KCNN3: variants seen among roughly 807,000 people sequenced by gnomAD.
KCNN3 encodes potassium calcium-activated channel subfamily N member 3.
KCNN3 carries 16 observed loss-of-function variants against 62.9 expected under a neutral mutation model. The ratio of observed to expected loss-of-function variants is 0.25; its 90% CI spans 0.17 to 0.39. The LOEUF (loss-of-function observed/expected upper bound fraction) is 0.39, where lower values mean the gene tolerates loss of function less well. KCNN3 is among the 10% of genes least tolerant of loss of function. KCNN3 has a pLI of 1.00. For missense variants in KCNN3, 599 were observed against 949.4 expected, an observed-to-expected ratio of 0.63 and a Z score of 4.85; for synonymous variants, 370 against 389.2, an observed-to-expected ratio of 0.95 and a Z score of 0.58.
At chr1:154,792,284 T>C (rs995777547) in intron 2 of KCNN3, among the ~76,000 whole-genome samples, 8 of 152,188 alleles carry the variant, frequency 5.3e-5, no homozygotes, top group Admixed American at 3.9e-4. Context: ...CTCCCTCTAA[T>C]TGGGATCATA....
intron 3 of KCNN3, among the ~76,000 whole-genome samples, chr1:154,746,516 T>A (rs1170023072): frequency 6.6e-6 from 1 of 151,852 alleles, no homozygotes; most frequent in African/African-American, 2.4e-5. Context: ...CCCAAACCCC[T>A]CCATCTTCTT....
chr1:154,870,090 C>T lies in KCNN3; in HGVS notation c.-126G>A, dbSNP rs1463116426. ...ACCAGTATCTTGGCTCCAGTCCTCT[C>T]TTTGGCTTGCTTCGGTTCTCTGGGG... On this transcript the variant is annotated 5_prime_UTR_variant, in exon 1 of 8. Transcript: ENST00000271915. 2 of 1,155,158 alleles carry T rather than the reference C, an allele frequency of 1.7e-6. No homozygotes were observed. Among genetic ancestry groups the T allele is most frequent in the African/African-American group, 1.5e-5 (1 of 65,524 alleles). 71.6% of individuals were successfully genotyped at this position (1,155,158 alleles called of 1,614,324 possible). A position where few individuals can be genotyped will look rare whatever the true frequency, so the allele number is the denominator to read the frequency against.
rs1411495423 is a variant in KCNN3, at chr1:154,706,390, T to C, written c.*1586A>G. On this transcript the variant is annotated 3_prime_UTR_variant, in exon 8 of 8. Coordinates refer to ENST00000271915, the MANE Select transcript of KCNN3 (RefSeq NM_002249.6). ...TACCATCAACAGATGAAATAGTCCA[T>C]ACAGTGCCATTCAATTTCCCACAGG... 2.0e-5 allele frequency: 3 copies of C among 152,222 alleles called. No individual in the cohort carries two copies. Among genetic ancestry groups the C allele is most frequent in the African/African-American group, 7.2e-5 (3 of 41,456 alleles). 9.4% of individuals were successfully genotyped at this position (152,222 alleles called of 1,614,324 possible). A position where few individuals can be genotyped will look rare whatever the true frequency, so the allele number is the denominator to read the frequency against.
chr1:154,786,662 A>G (rs1282542240), intron 2 of KCNN3, among the ~76,000 whole-genome samples: 1 of 152,218 alleles, frequency 6.6e-6, no homozygotes, highest in Non-Finnish European at 1.5e-5. Context: ...GCACACACAA[A>G]AGGTGCATTA....
chr1:154,750,096 G>A (rs1390554524), intron 3 of KCNN3, among the ~76,000 whole-genome samples: 3 of 152,204 alleles, frequency 2.0e-5, no homozygotes, highest in African/African-American at 7.2e-5. Flanking sequence ...ATGATTAACT[G>A]AAAATTCTGG....
intron 1 of KCNN3, among the ~76,000 whole-genome samples, chr1:154,824,211 T>C (rs1425755809): frequency 6.7e-6 from 1 of 150,270 alleles, no homozygotes; most frequent in Non-Finnish European, 1.5e-5. Context: ...TGGGAAAAGG[T>C]CTCCATTATT....
chr1:154,808,654 C>G (rs1571297426), intron 2 of KCNN3, among the ~76,000 whole-genome samples: 1 of 152,112 alleles, frequency 6.6e-6, no homozygotes, highest in South Asian at 2.1e-4. Context: ...TTTGTCCAGT[C>G]CTCAGGGGAG....
At chr1:154,868,849 C>G (rs1257352605) in intron 1 of KCNN3, among the ~76,000 whole-genome samples, 183 bp downstream of exon 1, 1 of 151,908 alleles carries the variant, frequency 6.6e-6, no homozygotes, top group Non-Finnish European at 1.5e-5. Flanking sequence ...GAGCAAGCGC[C>G]TCTCACCACC....
chr1:154,766,676 TG>T (rs1251432110), intron 3 of KCNN3, among the ~76,000 whole-genome samples: 1 of 146,006 alleles, frequency 6.8e-6, no homozygotes, highest in Non-Finnish European at 1.5e-5. Context: ...TGTTTTGTTT[TG>T]GGGTTTGTTT....
intron 2 of KCNN3, among the ~76,000 whole-genome samples, chr1:154,796,982 G>A (rs1436574994): frequency 6.6e-6 from 1 of 152,248 alleles, no homozygotes; most frequent in Non-Finnish European, 1.5e-5. Flanking sequence ...TTGTGGACAT[G>A]GGGGTGATCT....
At chr1:154,799,677 G>A (rs538336375) in intron 2 of KCNN3, among the ~76,000 whole-genome samples, 119 of 152,316 alleles carry the variant, frequency 7.8e-4, no homozygotes, top group African/African-American at 2.8e-3. Context: ...AGCCTCCACT[G>A]CCTCCTTCCT....
intron 7 of KCNN3, among the ~76,000 whole-genome samples, chr1:154,709,319 G>T (rs1235772496): frequency 6.6e-6 from 1 of 152,130 alleles, no homozygotes; most frequent in Non-Finnish European, 1.5e-5. Context: ...GAGGCTCCTG[G>T]GGCGGCAATG....
chr1:154,850,764 C>T (rs1403757093), intron 1 of KCNN3, among the ~76,000 whole-genome samples: 1 of 152,198 alleles, frequency 6.6e-6, no homozygotes, highest in African/African-American at 2.4e-5. Context: ...CGTTTTGTAT[C>T]ATTTCAGTAA....
chr1:154,715,083 C>T, intron 5 of KCNN3, 80 bp from the exon 6 acceptor site: 1 of 1,531,368 alleles, frequency 6.5e-7, no homozygotes, highest in South Asian at 1.1e-5. Context: ...TGTAGTCTAC[C>T]TCATAAGGAA....
chr1:154,708,977 C>T (rs770430331), intron 7 of KCNN3, among the ~76,000 whole-genome samples: 2 of 152,138 alleles, frequency 1.3e-5, no homozygotes, highest in Non-Finnish European at 2.9e-5. Flanking sequence ...CTCTGAAGGG[C>T]TGAGGTCTTT....
intron 2 of KCNN3, among the ~76,000 whole-genome samples, chr1:154,814,643 CA>C (rs1348429953): frequency 1.3e-5 from 2 of 152,216 alleles, no homozygotes; most frequent in Admixed American, 1.3e-4. Context: ...CTAAAAAATA[CA>C]AAGCGCTAGA....
intron 2 of KCNN3, among the ~76,000 whole-genome samples, chr1:154,795,090 G>A (rs930068937): frequency 3.3e-5 from 5 of 152,098 alleles, no homozygotes; most frequent in Non-Finnish European, 5.9e-5. Context: ...ACATTTACAC[G>A]GAAAATTCTC....
chr1:154,746,652 G>T (rs1700943299), intron 3 of KCNN3, among the ~76,000 whole-genome samples: 1 of 151,148 alleles, frequency 6.6e-6, no homozygotes, highest in South Asian at 2.1e-4. Context: ...CTCCTCTCTT[G>T]TTTTCCCTTT....
At chr1:154,865,846 A>C (rs1307248553) in intron 1 of KCNN3, among the ~76,000 whole-genome samples, 2 of 152,170 alleles carry the variant, frequency 1.3e-5, no homozygotes, top group East Asian at 3.9e-4. Flanking sequence ...GGGGAAAAAA[A>C]AAGTTTGTCA....
Sources: gnomAD v4.1 joint callset for allele counts (sites outside exome capture counted in the v4.1 genomes callset) on GRCh38, gnomAD v4.1.1 for gene constraint, MANE v1.5 for transcripts, NCBI Gene and HGNC (gene_info 2026-07-23, HGNC 2026-07-21) for gene names.